Variants in FOXN3 observed in about 807,000 individuals in gnomAD.
The protein encoded by FOXN3 is forkhead box protein N3.
FOXN3 carries 7 observed loss-of-function variants against 38.4 expected under a neutral mutation model. That is an observed-to-expected ratio of 0.18 (90% CI 0.10 to 0.34). The LOEUF (loss-of-function observed/expected upper bound fraction) is 0.34, where lower values mean the gene tolerates loss of function less well. Ranked by LOEUF, FOXN3 falls within the 10% of genes least tolerant of loss-of-function variation. The probability of loss-of-function intolerance (pLI) is 1.00; values close to 1 mark genes in which losing one functional copy is unlikely to be tolerated. For synonymous variants in FOXN3, 230 were observed against 242.2 expected (o/e 0.95, Z 0.47); for missense variants, 456 against 613.4 (o/e 0.74, Z 2.71).
chr14:89,487,993 G>A (rs1169462193), intron 1 of FOXN3, among the ~76,000 whole-genome samples: 1 of 152,142 alleles, frequency 6.6e-6, no homozygotes, highest in Non-Finnish European at 1.5e-5. Flanking sequence ...GGGGCACGGG[G>A]TAACCAGGTC....
At chr14:89,455,168 A>G (rs1039333904) in intron 1 of FOXN3, among the ~76,000 whole-genome samples, 3 of 152,154 alleles carry the variant, frequency 2.0e-5, no homozygotes, top group Non-Finnish European at 2.9e-5. Flanking sequence ...ATCATCTCCA[A>G]TGTTCCTTAT....
intron 3 of FOXN3, among the ~76,000 whole-genome samples, chr14:89,325,316 C>CAA (rs1888037087): frequency 4.6e-5 from 3 of 65,394 alleles, no homozygotes; most frequent in African/African-American, 1.9e-4. Flanking sequence ...ACCACCACGA[C>CAA]CACCACCACC....
chr14:89,414,457 G>A (rs1359054657), intron 1 of FOXN3, among the ~76,000 whole-genome samples: 1 of 152,112 alleles, frequency 6.6e-6, no homozygotes, highest in Admixed American at 6.5e-5. Context: ...TACCAGCCAA[G>A]GGTGCCTGTG....
chr14:89,480,333 G>A (rs1396770389), intron 1 of FOXN3, among the ~76,000 whole-genome samples: 6 of 152,074 alleles, frequency 3.9e-5, no homozygotes, highest in African/African-American at 1.2e-4. Context: ...AACTCGGGAG[G>A]CGGAGGTTGC....
chr14:89,162,983 A>C lies in FOXN3; in HGVS notation c.852-14T>G. On this transcript the variant is annotated splice_polypyrimidine_tract_variant and intron_variant, in intron 5 of 5. Transcript: ENST00000557258. The surrounding 1 kb of genome is among the most constrained non-coding windows in gnomAD (Gnocchi z 7.2). ...GTGATGCCATTCCTGCAGAGCGAGG[A>C]CAGTGGGGAGGGACGGGAGACAAAG... 6.5e-7 allele frequency: 1 copy of C among 1,538,332 alleles called. No individual in the cohort carries two copies.
intron 4 of FOXN3, among the ~76,000 whole-genome samples, chr14:89,273,444 C>T (rs375861452): frequency 2.0e-5 from 3 of 152,222 alleles, no homozygotes; most frequent in Admixed American, 1.3e-4. Flanking sequence ...AGACGGGTAG[C>T]GGGAAGAGCT....
chr14:89,321,739 G>C (rs554404189), intron 3 of FOXN3, among the ~76,000 whole-genome samples: 2 of 151,776 alleles, frequency 1.3e-5, no homozygotes, highest in African/African-American at 4.8e-5. Flanking sequence ...TGTTTGTTTA[G>C]AGTACTTGAC....
rs1232391902 is a variant in FOXN3 at position 89,350,704 on chromosome 14, A to G, written c.648T>C (p.Asn216=). The G allele has an allele frequency of 6.3e-7, 1 of 1,590,084 alleles. No homozygotes were observed. The highest frequency in any genetic ancestry group is 8.5e-7 in the Non-Finnish European group (1 of 1,171,062). ...ATGCCTGAGGACAGGTGGGAGGTGT[A>G]TTGAACACGTGTGGGTGTGGGTGAT... ...TPYHPHPHVF[N]TPPTCPQAYQ... Residue 216 remains asparagine (N), a synonymous_variant, in exon 3 of 6, where the codon AAT becomes AAC. Transcript: ENST00000557258.
chr14:89,562,687 A>G (rs970660423), intron 1 of FOXN3, among the ~76,000 whole-genome samples: 1 of 152,258 alleles, frequency 6.6e-6, no homozygotes, highest in African/African-American at 2.4e-5. Flanking sequence ...TTACAAGGAC[A>G]TCACACAAAC....
chr14:89,552,807 G>A (rs1486632434), intron 1 of FOXN3, among the ~76,000 whole-genome samples: 3 of 152,092 alleles, frequency 2.0e-5, no homozygotes, highest in African/African-American at 2.4e-5. Flanking sequence ...CACACTGGGC[G>A]GAGGCTGCAG....
At chr14:89,619,133 G>A (rs1238732829), upstream of FOXN3, 1 of 151,210 alleles carries the variant, frequency 6.6e-6, no homozygotes, top group Non-Finnish European at 1.5e-5. Context: ...TCTCCCGGCC[G>A]AGCTGCAGCA....
chr14:89,251,759 G>C (rs1885462872), intron 4 of FOXN3, among the ~76,000 whole-genome samples: 1 of 152,072 alleles, frequency 6.6e-6, no homozygotes, highest in Non-Finnish European at 1.5e-5. Context: ...TGCTGCTTTG[G>C]ATTCATAAAA....
At chr14:89,437,312 A>G (rs1463867830) in intron 1 of FOXN3, among the ~76,000 whole-genome samples, 1 of 152,030 alleles carries the variant, frequency 6.6e-6, no homozygotes, top group Non-Finnish European at 1.5e-5. Context: ...AAGGAGAACA[A>G]CTCTGTCTAG....
chr14:89,476,985 TG>T (rs1257848356), intron 1 of FOXN3, among the ~76,000 whole-genome samples: 1 of 149,150 alleles, frequency 6.7e-6, no homozygotes, highest in East Asian at 2.0e-4. Flanking sequence ...CTCTGGGATC[TG>T]GATTTCACCC....
intron 3 of FOXN3, among the ~76,000 whole-genome samples, chr14:89,295,212 A>T (rs1319724451): frequency 6.6e-6 from 1 of 152,088 alleles, no homozygotes; most frequent in African/African-American, 2.4e-5. Flanking sequence ...GTTACAGCCT[A>T]TTCATCCTTT....
At chr14:89,389,074 A>G (rs1890865916) in intron 2 of FOXN3, among the ~76,000 whole-genome samples, 2 of 152,252 alleles carry the variant, frequency 1.3e-5, no homozygotes, top group South Asian at 4.1e-4. Flanking sequence ...TCTTGTGAAA[A>G]GGAAATGCTG....
chr14:89,525,631 TAAAAAA>T (rs55848557), intron 1 of FOXN3, among the ~76,000 whole-genome samples: 1 of 123,894 alleles, frequency 8.1e-6, no homozygotes, highest in Non-Finnish European at 1.7e-5. Context: ...TTGTTTTCAC[TAAAAAA>T]AAAAAAAAAA....
chr14:89,513,000 C>T (rs1894123436), intron 1 of FOXN3, among the ~76,000 whole-genome samples: 1 of 151,686 alleles, frequency 6.6e-6, no homozygotes, highest in Non-Finnish European at 1.5e-5. Flanking sequence ...ATTAGCCGGA[C>T]GCAGTGGCAG....
At chr14:89,377,009 A>G (rs1890495374) in intron 2 of FOXN3, among the ~76,000 whole-genome samples, 2 of 128,860 alleles carry the variant, frequency 1.6e-5, no homozygotes, top group Non-Finnish European at 3.2e-5. Flanking sequence ...CAAAAGATCA[A>G]GACTCTGTCT....
Sources: allele counts gnomAD v4.1 joint callset (sites outside exome capture counted in the v4.1 genomes callset), GRCh38; gene constraint gnomAD v4.1.1; non-coding constraint Gnocchi (gnomAD v3.1); transcripts MANE v1.5; gene names NCBI Gene and HGNC (gene_info 2026-07-23, HGNC 2026-07-21).